The following SYT1 variants were observed in gnomAD, a reference collection of about 807,000 sequenced individuals.
SYT1 encodes the protein synaptotagmin 1, also known as synaptotagmin-1.
Under a neutral mutation model 44.8 loss-of-function variants are expected in SYT1, and 8 were observed. That is an observed-to-expected ratio of 0.18 (90% CI 0.10 to 0.32). The LOEUF is 0.32. SYT1 is among the 10% of genes least tolerant of loss of function. The pLI is 1.00. For synonymous variants in SYT1, 154 were observed against 188.8 expected, an observed-to-expected ratio of 0.82 and a Z score of 1.51; for missense variants, 286 against 509.3, an observed-to-expected ratio of 0.56 and a Z score of 4.22.
chr12:78,980,917 G>C (rs564819659), intron 2 of SYT1, among the ~76,000 whole-genome samples: 15 of 151,962 alleles, frequency 9.9e-5, no homozygotes, highest in Admixed American at 4.6e-4. Flanking sequence ...CCTGAGCCAG[G>C]GGGGAGAGGG....
chr12:78,979,130 A>T (rs1318328507), intron 2 of SYT1, among the ~76,000 whole-genome samples: 3 of 152,152 alleles, frequency 2.0e-5, no homozygotes, highest in Non-Finnish European at 4.4e-5. Context: ...CTGGAAATGC[A>T]TATACCCAGT....
chr12:79,003,825 G>T (rs919141109), intron 2 of SYT1, among the ~76,000 whole-genome samples: 3 of 151,832 alleles, frequency 2.0e-5, no homozygotes, highest in Admixed American at 2.0e-4. Flanking sequence ...TCAGATTACA[G>T]TTATTTTTTT....
intron 3 of SYT1, among the ~76,000 whole-genome samples, chr12:79,049,003 C>T (rs1874272981): frequency 1.3e-5 from 2 of 151,878 alleles, no homozygotes; most frequent in African/African-American, 4.8e-5. Context: ...GTACAATACT[C>T]ATTGGAAAAT....
intron 3 of SYT1, among the ~76,000 whole-genome samples, chr12:79,073,912 A>T (rs1241245678): frequency 1.3e-5 from 2 of 152,140 alleles, no homozygotes; most frequent in African/African-American, 4.8e-5. Context: ...GCAAGAAAAA[A>T]TAATGAGCAA....
At chr12:79,205,795 C>G (rs772871025) in intron 3 of SYT1, among the ~76,000 whole-genome samples, 2 of 152,126 alleles carry the variant, frequency 1.3e-5, no homozygotes, top group African/African-American at 2.4e-5. Context: ...TTTATTTTGG[C>G]TAGTTCTTCT....
At chr12:79,088,288 A>G (rs1877519973) in intron 3 of SYT1, among the ~76,000 whole-genome samples, 1 of 152,058 alleles carries the variant, frequency 6.6e-6, no homozygotes, top group African/African-American at 2.4e-5. Context: ...TTAGGGGTGA[A>G]GGGAATCTTC....
At chr12:79,275,290 G>A (rs528449061) in intron 4 of SYT1, among the ~76,000 whole-genome samples, 39 of 152,252 alleles carry the variant, frequency 2.6e-4, no homozygotes, top group African/African-American at 8.4e-4. Context: ...CTCATGAAGA[G>A]ATTTGGAGAA....
At chr12:78,989,321 A>G (rs1592637954) in intron 2 of SYT1, among the ~76,000 whole-genome samples, 1 of 152,204 alleles carries the variant, frequency 6.6e-6, no homozygotes, top group African/African-American at 2.4e-5. Flanking sequence ...AAATTAAAGA[A>G]TACCTTACTA....
intron 4 of SYT1, among the ~76,000 whole-genome samples, chr12:79,276,724 A>G (rs1417652097): frequency 6.6e-6 from 1 of 151,800 alleles, no homozygotes; most frequent in Non-Finnish European, 1.5e-5. Flanking sequence ...AGACTTGCTT[A>G]GGGAATTACA....
chr12:78,957,409 C>CT (rs1879269205), intron 1 of SYT1, among the ~76,000 whole-genome samples: 1 of 152,172 alleles, frequency 6.6e-6, no homozygotes, highest in Non-Finnish European at 1.5e-5. Flanking sequence ...GAAAACTCTT[C>CT]TTTCTCATCC....
intron 3 of SYT1, among the ~76,000 whole-genome samples, chr12:79,138,946 G>T (rs914928251): frequency 1.3e-5 from 2 of 152,152 alleles, no homozygotes; most frequent in African/African-American, 4.8e-5. Context: ...TTAAAAATCA[G>T]AATTTATCCA....
At chr12:78,953,341 A>T (rs1041413480) in intron 1 of SYT1, among the ~76,000 whole-genome samples, 2 of 152,136 alleles carry the variant, frequency 1.3e-5, no homozygotes, top group Admixed American at 6.6e-5. Context: ...TGCATTGCTC[A>T]TGTGCTGCTA....
At chr12:79,328,183 A>G (rs1402157917) in intron 8 of SYT1, among the ~76,000 whole-genome samples, 1 of 152,140 alleles carries the variant, frequency 6.6e-6, no homozygotes, top group Non-Finnish European at 1.5e-5. Flanking sequence ...TTGAAAAAGT[A>G]TTTTCAAAAC....
At chr12:78,896,456 A>C (rs1417679454) in intron 1 of SYT1, among the ~76,000 whole-genome samples, 1 of 151,788 alleles carries the variant, frequency 6.6e-6, no homozygotes, top group Non-Finnish European at 1.5e-5. Flanking sequence ...AACAAGGATA[A>C]ATCTATTGGG....
intron 4 of SYT1, among the ~76,000 whole-genome samples, chr12:79,252,013 A>AGATAGATAATG (rs1412089790): frequency 5.3e-4 from 45 of 84,836 alleles, no homozygotes; most frequent in Non-Finnish European, 8.9e-4. Flanking sequence ...GATAGATAAT[A>AGATAGATAATG]TATAGACAGA....
intron 9 of SYT1, among the ~76,000 whole-genome samples, chr12:79,358,587 T>C (rs1192951918): frequency 1.3e-5 from 2 of 152,164 alleles, no homozygotes; most frequent in South Asian, 2.1e-4. Flanking sequence ...ATTGCTCTTA[T>C]CACTACTGAC....
chr12:79,058,494 C>T (rs1188477810), intron 3 of SYT1, among the ~76,000 whole-genome samples: 2 of 152,022 alleles, frequency 1.3e-5, no homozygotes, highest in Non-Finnish European at 2.9e-5. Flanking sequence ...CTCTAGCTGC[C>T]TTTTCTTTAA....
chr12:78,934,829 T>C (rs1877962504), intron 1 of SYT1, among the ~76,000 whole-genome samples: 1 of 152,194 alleles, frequency 6.6e-6, no homozygotes, highest in Non-Finnish European at 1.5e-5. Context: ...AGAAGCATGG[T>C]GATGGCTGCA....
At chr12:79,078,303 A>G (rs1011875219) in intron 3 of SYT1, among the ~76,000 whole-genome samples, 1 of 151,836 alleles carries the variant, frequency 6.6e-6, no homozygotes, top group Non-Finnish European at 1.5e-5. Context: ...CAGCCCCCAA[A>G]TTTTCTCATC....
Sources: allele counts gnomAD v4.1 joint callset (sites outside exome capture counted in the v4.1 genomes callset), GRCh38; gene constraint gnomAD v4.1.1; transcripts MANE v1.5; gene names NCBI Gene and HGNC (gene_info 2026-07-23, HGNC 2026-07-21).